C9orf85: variants seen among roughly 807,000 people sequenced by gnomAD.
The protein encoded by C9orf85 is chromosome 9 open reading frame 85.
Under a neutral mutation model 14.9 loss-of-function variants are expected in C9orf85, and 16 were observed. That is an observed-to-expected ratio of 1.08 (90% CI 0.73 to 1.63). The LOEUF is 1.63. Among genes scored for constraint, C9orf85 ranks in the 40% most tolerant of loss-of-function variants. The probability of loss-of-function intolerance (pLI) is 0.00; values close to 1 mark genes in which losing one functional copy is unlikely to be tolerated. For missense variants in C9orf85, 172 were observed against 186.1 expected, an observed-to-expected ratio of 0.92 and a Z score of 0.44; for synonymous variants, 45 against 56.8, an observed-to-expected ratio of 0.79 and a Z score of 0.93.
At chr9:71,944,203 C>CAG (rs1380692092) in intron 1 of C9orf85, among the ~76,000 whole-genome samples, 2 of 148,662 alleles carry the variant, frequency 1.3e-5, no homozygotes, top group African/African-American at 2.5e-5. Context: ...CACTGCACAC[C>CAG]AGTCTGGGCA....
chr9:71,964,490 G>A (rs1255534312), intron 2 of C9orf85, among the ~76,000 whole-genome samples: 1 of 151,910 alleles, frequency 6.6e-6, no homozygotes, highest in African/African-American at 2.4e-5. Flanking sequence ...AAGCCCACCG[G>A]GAGCAATAAA....
intron 1 of C9orf85, among the ~76,000 whole-genome samples, chr9:71,946,736 G>A (rs1822096829): frequency 6.6e-6 from 1 of 151,510 alleles, no homozygotes; most frequent in African/African-American, 2.4e-5. Flanking sequence ...GGAGGTTGCA[G>A]TGAGCCAAAA....
intron 2 of C9orf85, among the ~76,000 whole-genome samples, chr9:71,966,422 A>G (rs1257927139): frequency 2.0e-5 from 3 of 152,222 alleles, no homozygotes; most frequent in African/African-American, 4.8e-5. Context: ...AAAATACAAT[A>G]TAGCCATTTT....
intron 2 of C9orf85, among the ~76,000 whole-genome samples, chr9:71,953,705 AG>A (rs1474340704): frequency 6.6e-6 from 1 of 152,164 alleles, no homozygotes; most frequent in Admixed American, 6.5e-5. Context: ...GCATTGAATA[AG>A]TAAATTCTCC....
At chr9:71,970,642 C>G (rs558697695) in intron 2 of C9orf85, among the ~76,000 whole-genome samples, 3 of 152,176 alleles carry the variant, frequency 2.0e-5, no homozygotes, top group Non-Finnish European at 4.4e-5. Flanking sequence ...TGTGAATCCT[C>G]ACATTTTATT....
chr9:71,942,731 T>C (rs949357293), intron 1 of C9orf85, among the ~76,000 whole-genome samples: 3 of 152,224 alleles, frequency 2.0e-5, no homozygotes, highest in Admixed American at 2.0e-4. Context: ...GGCAAAACCC[T>C]GTCTCTACTA....
intron 1 of C9orf85, chr9:71,918,378 A>G: frequency 8.5e-7 from 1 of 1,170,342 alleles, no homozygotes; most frequent in African/African-American, 1.6e-5. Flanking sequence ...AGCTAACCAC[A>G]AGTCACAATA....
chr9:71,983,422 A>G (rs374587943), downstream of C9orf85: 3 of 152,194 alleles, frequency 2.0e-5, no homozygotes, highest in African/African-American at 7.2e-5. Context: ...TCTTTTATAT[A>G]TATTCTAGAT....
chr9:71,936,834 C>G (rs1210721685), intron 1 of C9orf85, among the ~76,000 whole-genome samples: 1 of 142,954 alleles, frequency 7.0e-6, no homozygotes, highest in East Asian at 2.1e-4. Flanking sequence ...TCACAGTTCA[C>G]TGCAGCCTTG....
chr9:71,971,812 A>C lies in C9orf85; in HGVS notation c.323+194A>C, dbSNP rs11794907. 2.6e-3 allele frequency among the ~76,000 whole-genome samples: 402 copies of C among 152,070 alleles called. 2 individuals are homozygous for C. The highest frequency in any genetic ancestry group is 8.6e-3 in the African/African-American group (358 of 41,488). On this transcript the variant is annotated intron_variant, in intron 3 of 3. Coordinates refer to ENST00000334731, the MANE Select transcript of C9orf85 (RefSeq NM_182505.5). Reference sequence around the variant, plus strand: ...GATGGTGAAACCTCATCTCTACTAAAAATACAAAAAAATTAGCCGGGCACA... The same window carrying C: ...GATGGTGAAACCTCATCTCTACTAACAATACAAAAAAATTAGCCGGGCACA...
intron 2 of C9orf85, among the ~76,000 whole-genome samples, chr9:71,959,706 A>T (rs1475322725): frequency 6.6e-6 from 1 of 152,190 alleles, no homozygotes; most frequent in Non-Finnish European, 1.5e-5. Context: ...GTCTTGTGTA[A>T]CCAGGTCTGC....
chr9:71,944,476 G>A (rs534467172), intron 1 of C9orf85, among the ~76,000 whole-genome samples: 2 of 151,756 alleles, frequency 1.3e-5, no homozygotes, highest in South Asian at 4.2e-4. Context: ...ACCTTTATAG[G>A]CTTTTGTATT....
chr9:71,960,978 T>C (rs1822502421), intron 2 of C9orf85, among the ~76,000 whole-genome samples: 1 of 146,578 alleles, frequency 6.8e-6, no homozygotes, highest in Non-Finnish European at 1.5e-5. Context: ...AGTGACACAA[T>C]CTTGGCTCAC....
At chr9:71,946,936 C>A in intron 1 of C9orf85, 70 bp from the exon 2 acceptor site, 1 of 1,007,204 alleles carries the variant, frequency 9.9e-7, no homozygotes, top group Non-Finnish European at 1.5e-6. Flanking sequence ...ATCTCATACA[C>A]TCTTTTATGG....
At chr9:71,918,326 A>AAG in intron 1 of C9orf85, 1 of 623,142 alleles carries the variant, frequency 1.6e-6, no homozygotes, top group Non-Finnish European at 2.5e-6. Context: ...TATTCTTCAG[A>AAG]AATAAAAACA....
At chr9:71,950,196 T>G (rs1384532456) in intron 2 of C9orf85, among the ~76,000 whole-genome samples, 1 of 152,198 alleles carries the variant, frequency 6.6e-6, no homozygotes. Context: ...ATTCATTCAC[T>G]TCACTTTCTC....
chr9:71,971,756 G>A (rs754747538), intron 3 of C9orf85, 138 bp downstream of exon 3: 4 of 540,234 alleles, frequency 7.4e-6, no homozygotes, highest in Non-Finnish European at 1.3e-5. Context: ...GGTGGATCAC[G>A]AGGTCAGGAG....
chr9:71,918,722 G>GATTCTCAT (rs1827717833), intron 1 of C9orf85, among the ~76,000 whole-genome samples: 1 of 152,166 alleles, frequency 6.6e-6, no homozygotes. Context: ...CTCCTTATGA[G>GATTCTCAT]AATCTAATGC....
At position 71,945,617 on chromosome 9, in the gene C9orf85, T is replaced by C. The variant is rs557537041; in HGVS notation, c.103-1389T>C. 5.3e-5 allele frequency among the ~76,000 whole-genome samples: 8 copies of C among 152,366 alleles called. No homozygotes were observed. The East Asian group carries it at 1.5e-3, about 29-fold the overall frequency. The stretch of plus-strand genomic sequence containing the variant: ...ACAATATTTCTAAAATATTTTCTCA[T>C]TGAATAAATGTTTTATCAAATATTT... On this transcript the variant is annotated intron_variant, in intron 1 of 3. Transcript: ENST00000334731.
Sources: gnomAD v4.1 joint callset for allele counts (sites outside exome capture counted in the v4.1 genomes callset) on GRCh38, gnomAD v4.1.1 for gene constraint, MANE v1.5 for transcripts, NCBI Gene and HGNC (gene_info 2026-07-23, HGNC 2026-07-21) for gene names.